The following GAP43 variants were observed in gnomAD, a reference collection of about 807,000 sequenced individuals.
GAP43 encodes neuromodulin.
A neutral mutation model predicts 18.6 loss-of-function variants in GAP43; 6 were observed. The observed-to-expected ratio is 0.32, with a 90% CI of 0.18 to 0.64. The LOEUF (loss-of-function observed/expected upper bound fraction) is 0.64, where lower values mean the gene tolerates loss of function less well. GAP43 is among the 30% of genes least tolerant of loss of function. GAP43 has a pLI of 0.78. For synonymous variants in GAP43, 115 were observed against 111.4 expected (o/e 1.03, Z -0.20); for missense variants, 292 against 295.5 (o/e 0.99, Z 0.09).
intron 1 of GAP43, among the ~76,000 whole-genome samples, chr3:115,629,538 T>C (rs980071444): frequency 6.6e-6 from 1 of 152,140 alleles, no homozygotes; most frequent in African/African-American, 2.4e-5. Context: ...CTGCAAGAGT[T>C]AGCTCTTTGA....
chr3:115,643,033 C>A (rs555215602), intron 1 of GAP43, among the ~76,000 whole-genome samples: 1 of 152,030 alleles, frequency 6.6e-6, no homozygotes, highest in Non-Finnish European at 1.5e-5. Flanking sequence ...TGCTAATATA[C>A]ATTGTTTCTT....
At chr3:115,690,732 ATCT>A (rs1307070888) in intron 2 of GAP43, among the ~76,000 whole-genome samples, 6 of 146,706 alleles carry the variant, frequency 4.1e-5, no homozygotes, top group African/African-American at 1.5e-4. Flanking sequence ...CTCTGGGCAA[ATCT>A]TTTTTTTTTT....
intron 2 of GAP43, among the ~76,000 whole-genome samples, chr3:115,680,700 G>A (rs1351919181): frequency 2.0e-5 from 3 of 152,064 alleles, no homozygotes; most frequent in East Asian, 1.9e-4. Flanking sequence ...CTATAAAAAC[G>A]TTGCATATAA....
chr3:115,680,483 A>G (rs1370576687), intron 2 of GAP43, among the ~76,000 whole-genome samples: 1 of 152,146 alleles, frequency 6.6e-6, no homozygotes, highest in African/African-American at 2.4e-5. Context: ...AACCAAAACA[A>G]AAACAAGATG....
intron 1 of GAP43, among the ~76,000 whole-genome samples, chr3:115,645,198 T>C (rs1272201946): frequency 6.6e-6 from 1 of 152,062 alleles, no homozygotes; most frequent in African/African-American, 2.4e-5. Context: ...GGTAAATATA[T>C]GAATCAGATA....
intron 1 of GAP43, among the ~76,000 whole-genome samples, chr3:115,645,433 A>T (rs1708446996): frequency 6.6e-6 from 1 of 152,058 alleles, no homozygotes; most frequent in Admixed American, 6.6e-5. Context: ...GTAGAGACCA[A>T]AGAAGGATCA....
intron 1 of GAP43, among the ~76,000 whole-genome samples, chr3:115,649,423 T>C (rs1330611721): frequency 2.0e-5 from 3 of 151,784 alleles, no homozygotes; most frequent in African/African-American, 7.3e-5. Context: ...GAAAGAGAAA[T>C]GAGATTGTAA....
intron 1 of GAP43, among the ~76,000 whole-genome samples, chr3:115,669,792 G>C (rs541883283): frequency 1.6e-3 from 243 of 151,952 alleles, no homozygotes; most frequent in African/African-American, 5.7e-3. Context: ...TATCTGAAAA[G>C]TTAACATTAC....
chr3:115,633,837 T>C (rs1038245926), intron 1 of GAP43, among the ~76,000 whole-genome samples: 3 of 152,176 alleles, frequency 2.0e-5, no homozygotes, highest in Non-Finnish European at 4.4e-5. Context: ...GGTTGTAAGA[T>C]CTAGTTCCTG....
intron 2 of GAP43, among the ~76,000 whole-genome samples, chr3:115,698,082 AAATATGTATTATATAT>A (rs1709227336): frequency 1.6e-5 from 1 of 63,800 alleles, no homozygotes; most frequent in Admixed American, 3.3e-4. Context: ...ATAATATATA[AAATATGTATTATATAT>A]AATATATAAA....
chr3:115,641,004 C>T, intron 1 of GAP43, among the ~76,000 whole-genome samples: 2 of 135,930 alleles, frequency 1.5e-5, no homozygotes, highest in Non-Finnish European at 1.6e-5. Context: ...ATTTCTCTTT[C>T]TCTCTTTCTT....
At chr3:115,646,118 C>G (rs1708455040) in intron 1 of GAP43, among the ~76,000 whole-genome samples, 1 of 152,084 alleles carries the variant, frequency 6.6e-6, no homozygotes, top group Admixed American at 6.6e-5. Flanking sequence ...TAAGAATCTC[C>G]TATTATTCTT....
At chr3:115,712,797 G>C (rs920961975) in intron 2 of GAP43, among the ~76,000 whole-genome samples, 11 of 152,120 alleles carry the variant, frequency 7.2e-5, no homozygotes, top group African/African-American at 1.9e-4. Context: ...ACATGTAGAT[G>C]GCATATTGCA....
At chr3:115,652,693 C>T (rs1400890021) in intron 1 of GAP43, among the ~76,000 whole-genome samples, 1 of 152,082 alleles carries the variant, frequency 6.6e-6, no homozygotes, top group Non-Finnish European at 1.5e-5. Context: ...GCCGCCTATG[C>T]AGTGTTCAAT....
At chr3:115,710,977 C>T (rs1459897116) in intron 2 of GAP43, among the ~76,000 whole-genome samples, 1 of 152,098 alleles carries the variant, frequency 6.6e-6, no homozygotes, top group East Asian at 1.9e-4. Flanking sequence ...TGTCATCTGC[C>T]CCAGTCTCCT....
At chr3:115,672,845 T>C (rs73140359) in intron 1 of GAP43, among the ~76,000 whole-genome samples, 5,544 of 152,004 alleles carry the variant, frequency 0.036, 130 homozygotes, top group Middle Eastern at 0.1. Context: ...GTCTTTTTTT[T>C]CCCAACTAAT....
At chr3:115,693,600 T>A (rs1043766926) in intron 2 of GAP43, among the ~76,000 whole-genome samples, 27 of 152,206 alleles carry the variant, frequency 1.8e-4, no homozygotes, top group African/African-American at 6.5e-4. Flanking sequence ...AAATTCAATT[T>A]AGAGTGTCTA....
intron 2 of GAP43, among the ~76,000 whole-genome samples, chr3:115,705,993 C>T (rs1250095826): frequency 1.3e-5 from 2 of 152,094 alleles, no homozygotes; most frequent in African/African-American, 2.4e-5. Context: ...CCACTTCCTA[C>T]CCCATTCTGA....
At chr3:115,656,491 C>G (rs1320836456) in intron 1 of GAP43, among the ~76,000 whole-genome samples, 2 of 152,230 alleles carry the variant, frequency 1.3e-5, no homozygotes, top group East Asian at 3.9e-4. Context: ...TTAAACAAGC[C>G]TCTTTGGTGT....
Sources: allele counts gnomAD v4.1 joint callset (sites outside exome capture counted in the v4.1 genomes callset), GRCh38; gene constraint gnomAD v4.1.1; transcripts MANE v1.5; gene names NCBI Gene and HGNC (gene_info 2026-07-23, HGNC 2026-07-21).